FIS1: variants seen among roughly 807,000 people sequenced by gnomAD.
The protein encoded by FIS1 is mitochondrial fission 1 protein.
Under a neutral mutation model 21.6 loss-of-function variants are expected in FIS1, and 16 were observed. The observed-to-expected ratio is 0.74, with a 90% confidence interval of 0.50 to 1.12. FIS1 has a LOEUF of 1.12. Ranked by LOEUF, FIS1 falls within the 50% of genes most tolerant of loss-of-function variation. FIS1 has a pLI of 0.00. For synonymous variants in FIS1, 92 were observed against 82.2 expected (o/e 1.12, Z -0.65); for missense variants, 198 against 190.9 (o/e 1.04, Z -0.22).
intron 2 of FIS1, among the ~76,000 whole-genome samples, chr7:101,243,700 A>G (rs1382186605): frequency 6.6e-6 from 1 of 152,248 alleles, no homozygotes; most frequent in Non-Finnish European, 1.5e-5. Flanking sequence ...GTTGGGGGGA[A>G]GGGCATGGGC....
In FIS1 at chr7:101,239,742, G is replaced by A. The variant is rs1411881583; in HGVS notation, c.*64C>T. 1.5e-6 allele frequency: 2 copies of A among 1,377,922 alleles called. No individual in the cohort carries two copies. Among genetic ancestry groups the A allele is most frequent in the Non-Finnish European group, 2.0e-6 (2 of 987,534 alleles). 85.4% of individuals were successfully genotyped at this position (1,377,922 alleles called of 1,614,324 possible). ...AGAGACGGGGGGCAGGGGGAGAACA[G>A]GGAAAGGACAGCGAGGATGGACAGG... On this transcript the variant is annotated 3_prime_UTR_variant, in exon 5 of 5. Transcript: ENST00000223136.
rs201696751 is a variant in FIS1 at position 101,240,189 on chromosome 7, T to C, written c.314A>G (p.Asn105Ser). 16 of 1,614,194 alleles carry C rather than the reference T, an allele frequency of 9.9e-6. No individual in the cohort carries two copies. Among genetic ancestry groups the C allele is most frequent in the Admixed American group, 1.7e-5 (1 of 60,020 alleles). ...GAGCCGCTCCAGTTCCTTGGCCTGG[T>C]TGTTCTGGGGCTCTGTCTGCAGCAA... ...RGLLQTEPQN[N>S]QAKELERLID... Residue 105 changes from asparagine to serine, a missense_variant, in exon 4 of 5, where the codon AAC becomes AGC. Physicochemically the swap from Asn to Ser is conservative, Grantham distance 46. Transcript: ENST00000223136.
chr7:101,239,749 G>C lies in FIS1; in HGVS notation c.*57C>G, dbSNP rs757216547. ...GGGGGCAGGGGGAGAACAGGGAAAG[G>C]ACAGCGAGGATGGACAGGCCCTCCT... On this transcript the variant is annotated 3_prime_UTR_variant, in exon 5 of 5. Coordinates refer to ENST00000223136, the MANE Select transcript of FIS1 (RefSeq NM_016068.3). 1.4e-6 allele frequency: 2 copies of C among 1,416,372 alleles called. No homozygotes were observed. The highest frequency in any genetic ancestry group is 2.8e-5 in the African/African-American group (2 of 70,622). The allele number at this position is 1,416,372 out of a possible 1,614,324, so 87.7% of individuals were successfully genotyped here. A position where few individuals can be genotyped will look rare whatever the true frequency, so the allele number is the denominator to read the frequency against.
chr7:101,240,042 G>T, intron 4 of FIS1, 100 bp downstream of exon 4: 2 of 1,451,102 alleles, frequency 1.4e-6, no homozygotes, highest in Non-Finnish European at 9.6e-7. Context: ...ACTGGAAGGG[G>T]TGGGGCTGAG....
At chr7:101,240,980 C>G in intron 2 of FIS1, 74 bp from the exon 3 acceptor site, 1 of 1,443,692 alleles carries the variant, frequency 6.9e-7, no homozygotes, top group South Asian at 1.2e-5. Context: ...CCCAGAGGCC[C>G]CTTCCACTCT....
rs1403744740 is a variant in FIS1, at chr7:101,244,087, C to T, written c.98G>A (p.Ser33Asn). 1 of 1,614,088 alleles carries T rather than the reference C, an allele frequency of 6.2e-7. No individual in the cohort carries two copies. Among genetic ancestry groups the T allele is most frequent in the Non-Finnish European group, 8.5e-7 (1 of 1,179,972 alleles). ...SEKAAGSVSK[S>N]TQFEYAWCLV... ...GCACCAGGCGTACTCAAACTGCGTG[C>T]TCTTGGACACCGAGCCTGCTGCCTT... Residue 33 changes from serine to asparagine, a missense_variant, in exon 2 of 5, where the codon AGC (serine) becomes AAC (asparagine). Coordinates refer to ENST00000223136, the MANE Select transcript of FIS1 (RefSeq NM_016068.3).
At chr7:101,240,112 G>A (rs370319087) in intron 4 of FIS1, 30 bp downstream of exon 4, 13 of 1,606,616 alleles carry the variant, frequency 8.1e-6, no homozygotes, top group South Asian at 6.6e-5. Context: ...GGGGAAGAGC[G>A]GGGCTGAACA....
rs897961505 is a variant in FIS1 at position 101,239,484 on chromosome 7, G to A, written c.*322C>T. 1.4e-5 allele frequency: 6 copies of A among 430,368 alleles called. No homozygotes were observed. In the Admixed American group the frequency reaches 1.7e-4, roughly 12 times the overall value. The allele number at this position is 430,368 out of a possible 1,614,324, so 26.7% of individuals were successfully genotyped here. ...GAGGAAGGAAGGGTGTGGGCTCTGG[G>A]CTGCGGGGTGGACAAAGAACCCCGT... is the stretch of plus-strand genomic sequence containing the variant. On this transcript the variant is annotated 3_prime_UTR_variant, in exon 5 of 5. Coordinates refer to ENST00000223136, the MANE Select transcript of FIS1 (RefSeq NM_016068.3).
chr7:101,240,748 T>C, intron 3 of FIS1, 82 bp downstream of exon 3: 1 of 1,389,238 alleles, frequency 7.2e-7, no homozygotes, highest in South Asian at 1.2e-5. Context: ...CTTCCCGCTG[T>C]CCAGGGCTCC....
intron 2 of FIS1, among the ~76,000 whole-genome samples, chr7:101,242,575 G>C (rs1798764555): frequency 7.0e-6 from 1 of 142,346 alleles, no homozygotes; most frequent in Admixed American, 7.7e-5. Flanking sequence ...TGCAACCTCT[G>C]TCTCCCGAGT....
Position 101,240,227 on chromosome 7 carries a change from C to T in FIS1, c.276G>A (p.Lys92=), listed in dbSNP as rs1798724221. The change falls in exon 4 of 5, where the codon AAG becomes AAA. Residue 92 remains lysine, a synonymous_variant. Coordinates refer to ENST00000223136, the MANE Select transcript of FIS1 (RefSeq NM_016068.3). ...YRLKEYEKAL[K]YVRGLLQTEP... is the part of the protein sequence containing the mutation. ...CTGTCTGCAGCAACCCGCGGACGTA[C>T]TTTAAGGCCTTCTCGTATTCCTGCG... The T allele has an allele frequency of 6.2e-7, 1 of 1,614,130 alleles. No individual in the cohort carries two copies. Among genetic ancestry groups the T allele is most frequent in the African/African-American group, 1.3e-5 (1 of 74,952 alleles).
At chr7:101,241,976 G>A (rs1396386622) in intron 2 of FIS1, among the ~76,000 whole-genome samples, 2 of 151,702 alleles carry the variant, frequency 1.3e-5, no homozygotes, top group Non-Finnish European at 2.9e-5. Context: ...GTCTCGCTCT[G>A]TCACTCCAGT....
At position 101,243,089 on chromosome 7, in the gene FIS1, A is replaced by G. The variant is rs543039480; in HGVS notation, c.178+918T>C. 4.6e-5 allele frequency among the ~76,000 whole-genome samples: 7 copies of G among 152,280 alleles called. No homozygotes were observed. The South Asian group carries it at 1.4e-3, about 32-fold the overall frequency. ...TTTTATATACGGGACTTGGGTGGCTATTGGTATCTGTGGGGGTGGGGTTCC... is the reference window on the plus strand; with the variant it reads ...TTTTATATACGGGACTTGGGTGGCTGTTGGTATCTGTGGGGGTGGGGTTCC... On this transcript the variant is annotated intron_variant, in intron 2 of 4. Coordinates refer to ENST00000223136, the MANE Select transcript of FIS1 (RefSeq NM_016068.3).
intron 2 of FIS1, among the ~76,000 whole-genome samples, chr7:101,243,415 A>G (rs1455391359): frequency 6.6e-6 from 1 of 152,176 alleles, no homozygotes; most frequent in Non-Finnish European, 1.5e-5. Context: ...ATCTCTACAA[A>G]AAATACAAAA....
chr7:101,240,061 T>C (rs1042004525), intron 4 of FIS1, 81 bp downstream of exon 4: 11 of 1,509,156 alleles, frequency 7.3e-6, no homozygotes, highest in Non-Finnish European at 8.3e-6. Flanking sequence ...AGGGGCTGCC[T>C]GGAGGGGTTC....
At position 101,239,853 on chromosome 7, in the gene FIS1, C is replaced by T. The variant is rs765983678; in HGVS notation, c.412G>A (p.Gly138Arg). Reference sequence around the variant, plus strand: ...GCAAGTCCGATGAGTCCGGCCAGTCCCGCCACACCCAGGGCCATGCCTCCC... The same window carrying T: ...GCAAGTCCGATGAGTCCGGCCAGTCTCGCCACACCCAGGGCCATGCCTCCC... ...IVGGMALGVA[G>R]LAGLIGLAVS... Residue 138 changes from glycine (G) to arginine (R), a missense_variant, in exon 5 of 5, where the codon GGA becomes AGA. Coordinates refer to ENST00000223136, the MANE Select transcript of FIS1 (RefSeq NM_016068.3). The T allele has an allele frequency of 1.9e-6, 3 of 1,608,498 alleles. No homozygotes were observed. The highest frequency in any genetic ancestry group is 2.5e-6 in the Non-Finnish European group (3 of 1,177,722).
chr7:101,245,061 C>T lies in FIS1; in HGVS notation c.-57G>A. The T allele has an allele frequency of 6.3e-7, 1 of 1,575,572 alleles. No homozygotes were observed. The highest frequency in any genetic ancestry group is 8.7e-7 in the Non-Finnish European group (1 of 1,155,004). ...TCTACTGTGCCACAGTCTCCATGGCCCAGTGGCAGGGGCGGAGAACCACTT... is the reference window on the plus strand; with the variant it reads ...TCTACTGTGCCACAGTCTCCATGGCTCAGTGGCAGGGGCGGAGAACCACTT... On this transcript the variant is annotated 5_prime_UTR_variant, in exon 1 of 5. Coordinates refer to ENST00000223136, the MANE Select transcript of FIS1 (RefSeq NM_016068.3).
In FIS1 at chr7:101,244,990, C is replaced by G. The variant is rs1323009987; in HGVS notation, c.15G>C (p.Leu5=). Residue 5 remains leucine, a synonymous_variant, in exon 1 of 5, where the codon CTG becomes CTC. Transcript: ENST00000223136. ...GGTCCTCCACAGACACCAGCTCGTT[C>G]AGCACGGCCTCCATGGCCACTGCCC... MEAV[L]NELVSVEDLL... 6.2e-7 allele frequency: 1 copy of G among 1,614,020 alleles called. No individual in the cohort carries two copies. The highest frequency in any genetic ancestry group is 1.7e-5 in the Admixed American group (1 of 60,002).
rs755138304 is a variant in FIS1, at chr7:101,244,120, T to C, written c.65A>G (p.Gln22Arg). Residue 22 changes from glutamine to arginine, a missense_variant, in exon 2 of 5, where the codon CAG (glutamine) becomes CGG (arginine). Coordinates refer to ENST00000223136, the MANE Select transcript of FIS1 (RefSeq NM_016068.3). The stretch of plus-strand genomic sequence containing the variant: ...CACCGAGCCTGCTGCCTTCTCAGAC[T>C]GAAATTTCTTTTCAAACTTCTGCCA... ...EDLLKFEKKF[Q>R]SEKAAGSVSK... is the part of the protein sequence containing the mutation. The C allele has an allele frequency of 6.2e-7, 1 of 1,613,570 alleles. No individual in the cohort carries two copies. The highest frequency in any genetic ancestry group is 8.5e-7 in the Non-Finnish European group (1 of 1,179,608).
Sources: allele counts gnomAD v4.1 joint callset (sites outside exome capture counted in the v4.1 genomes callset), GRCh38; gene constraint gnomAD v4.1.1; transcripts MANE v1.5; gene names NCBI Gene and HGNC (gene_info 2026-07-23, HGNC 2026-07-21).